PDE4DIP: variants seen among roughly 807,000 people sequenced by gnomAD.
PDE4DIP encodes myomegalin.
Under a neutral mutation model 221.4 loss-of-function variants are expected in PDE4DIP, and 59 were observed. The observed-to-expected ratio is 0.27, with a 90% CI of 0.22 to 0.33. The LOEUF is 0.33. Ranked by LOEUF, PDE4DIP falls within the 10% of genes least tolerant of loss-of-function variation. The pLI is 1.00. For missense variants in PDE4DIP, 1,036 were observed against 2,154.2 expected (o/e 0.48, Z 10.28); for synonymous variants, 404 against 815.9 (o/e 0.50, Z 8.60).
intron 1 of PDE4DIP, among the ~76,000 whole-genome samples, chr1:148,820,722 G>GT (rs1553359947): frequency 6.7e-6 from 1 of 148,700 alleles, no homozygotes; most frequent in Admixed American, 6.6e-5. Flanking sequence ...TTTGGGGGGG[G>GT]GGTGGCTAGA....
At chr1:148,994,792 CT>C (rs1553563359) in intron 22 of PDE4DIP, among the ~76,000 whole-genome samples, 1 of 150,810 alleles carries the variant, frequency 6.6e-6, no homozygotes, top group African/African-American at 2.4e-5. Flanking sequence ...ACAATTCCCC[CT>C]ACTCTCCCTC....
intron 1 of PDE4DIP, among the ~76,000 whole-genome samples, chr1:148,822,820 G>A (rs587774597): frequency 1.0e-5 from 1 of 97,352 alleles, no homozygotes; most frequent in South Asian, 3.9e-4. Context: ...TCGAGTAAAT[G>A]ATAAATGCTA....
intron 34 of PDE4DIP, chr1:149,018,210 A>T: frequency 2.6e-6 from 1 of 383,872 alleles, no homozygotes; most frequent in Non-Finnish European, 4.7e-6. Flanking sequence ...CCTCTTTACC[A>T]AGGTGGCCTT....
chr1:148,952,386 C>A (rs587727632), intron 5 of PDE4DIP: 121 of 1,079,052 alleles, frequency 1.1e-4, no homozygotes, highest in Non-Finnish European at 1.3e-4. Context: ...TCCTCCATCC[C>A]CGAGGCTTTG....
At chr1:148,820,719 G>C (rs1457736450) in intron 1 of PDE4DIP, among the ~76,000 whole-genome samples, 1 of 148,856 alleles carries the variant, frequency 6.7e-6, no homozygotes, top group Non-Finnish European at 1.5e-5. Context: ...TTTTTTGGGG[G>C]GGGGGTGGCT....
intron 1 of PDE4DIP, among the ~76,000 whole-genome samples, chr1:148,916,549 G>GT (rs1244684715): frequency 1.3e-5 from 1 of 75,380 alleles, no homozygotes; most frequent in Non-Finnish European, 2.6e-5. Context: ...TGTTTATTGT[G>GT]TGAGATTCTG....
intron 3 of PDE4DIP, among the ~76,000 whole-genome samples, chr1:148,876,985 C>T (rs1238782422): frequency 7.0e-6 from 1 of 143,044 alleles, no homozygotes; most frequent in Non-Finnish European, 1.5e-5. Flanking sequence ...GTACTCCAGC[C>T]TGGGTGACAG....
intron 5 of PDE4DIP, chr1:148,953,319 A>G (rs143385088): frequency 3.7e-6 from 6 of 1,612,202 alleles, no homozygotes; most frequent in South Asian, 1.1e-5. Flanking sequence ...GATTCTGACT[A>G]TGAAGCCATT....
intron 22 of PDE4DIP, among the ~76,000 whole-genome samples, chr1:148,994,522 T>TA (rs1213581592): frequency 2.0e-5 from 3 of 150,842 alleles, no homozygotes; most frequent in African/African-American, 4.9e-5. Context: ...AAAGCTATTT[T>TA]AAAAAAATAG....
chr1:149,023,926 C>T (rs587614929), intron 37 of PDE4DIP, among the ~76,000 whole-genome samples: 7 of 147,312 alleles, frequency 4.8e-5, no homozygotes, highest in Non-Finnish European at 9.0e-5. Flanking sequence ...CACACACACA[C>T]ATATATATAG....
intron 11 of PDE4DIP, 32 bp from the exon 15 acceptor site, chr1:148,966,807 A>G: frequency 1.2e-6 from 1 of 844,766 alleles, no homozygotes; most frequent in Non-Finnish European, 2.0e-6. Context: ...AGTAAATCTT[A>G]CAGAGCTTTA....
chr1:148,969,986 G>A (rs587604064), intron 14 of PDE4DIP, among the ~76,000 whole-genome samples: 204 of 152,260 alleles, frequency 1.3e-3, no homozygotes, highest in African/African-American at 3.8e-3. Context: ...GATTACAGGC[G>A]TGAGCCACCA....
At chr1:148,821,358 CA>C (rs1321368339) in intron 1 of PDE4DIP, among the ~76,000 whole-genome samples, 1 of 149,292 alleles carries the variant, frequency 6.7e-6, no homozygotes, top group Non-Finnish European at 1.5e-5. Flanking sequence ...CTGATCTTTC[CA>C]AAAGGTATAT....
rs1553437786 is a variant in PDE4DIP at position 148,892,241 on chromosome 1, C to T, written c.141+2347C>T. Among the ~76,000 whole-genome samples, 6 of 121,400 alleles carry T rather than the reference C, an allele frequency of 4.9e-5. 2 individuals are homozygous for T. The highest frequency in any genetic ancestry group is 1.0e-4 in the African/African-American group (3 of 28,950). The allele number at this position is 121,400 out of a possible 152,430, so 79.6% of individuals were successfully genotyped here. On this transcript the variant is annotated intron_variant, in intron 1 of 43. Transcript: ENST00000369354. ...AACTCCTGACCTCAGGCGATCCACCCGCCTCAGCCTCCCAAAGTACTGGGA... is the reference window on the plus strand; with the variant it reads ...AACTCCTGACCTCAGGCGATCCACCTGCCTCAGCCTCCCAAAGTACTGGGA...
Position 148,863,102 on chromosome 1 carries a change from C to T in PDE4DIP, c.234-148C>T, listed in dbSNP as rs59728945. The T allele has an allele frequency of 5.5e-5, 16 of 288,476 alleles. 3 individuals are homozygous for T. The highest frequency in any genetic ancestry group is 6.4e-4 in the East Asian group (2 of 3,106). 17.9% of individuals were successfully genotyped at this position (288,476 alleles called of 1,614,324 possible). ...GCCTTTGTATCCCTAGCACTTGACA[C>T]GGTCCCTGATACATAATAGAAGCTT... On this transcript the variant is annotated intron_variant, in intron 1 of 45. Transcript: ENST00000524974.
chr1:149,014,852 G>C (rs11487265), intron 32 of PDE4DIP, among the ~76,000 whole-genome samples: 25,994 of 151,990 alleles, frequency 0.17, 2,236 homozygotes, highest in Admixed American at 0.22. Flanking sequence ...CATGTACTGT[G>C]TATTGTGTGG....
intron 5 of PDE4DIP, chr1:148,953,868 A>G (rs1553498341): frequency 2.5e-6 from 4 of 1,610,878 alleles, no homozygotes; most frequent in Non-Finnish European, 3.4e-6. Flanking sequence ...GAGCTGTGGG[A>G]TGATCTCTGT....
chr1:148,887,815 A>C (rs1539655), upstream of PDE4DIP, among the ~76,000 whole-genome samples: 588 of 19,928 alleles, frequency 0.03, no homozygotes, highest in East Asian at 0.13. Flanking sequence ...AAATTCTAAG[A>C]ATTCAGATTT....
At chr1:149,023,909 ATG>A (rs1391748850) in intron 37 of PDE4DIP, among the ~76,000 whole-genome samples, 1 of 150,726 alleles carries the variant, frequency 6.6e-6, no homozygotes, top group Non-Finnish European at 1.5e-5. Context: ...GTGTATATAT[ATG>A]TACACACACA....
Sources: allele counts gnomAD v4.1 joint callset (sites outside exome capture counted in the v4.1 genomes callset), GRCh38; gene constraint gnomAD v4.1.1; transcripts MANE v1.5; gene names NCBI Gene and HGNC (gene_info 2026-07-23, HGNC 2026-07-21).